SRD5A2: variants seen among roughly 807,000 people sequenced by gnomAD.
The protein encoded by SRD5A2 is steroid 5 alpha-reductase 2, also known as 3-oxo-5-alpha-steroid 4-dehydrogenase 2.
SRD5A2 carries 30 observed loss-of-function variants against 27.4 expected under a neutral mutation model. That is an observed-to-expected ratio of 1.10 (90% CI 0.82 to 1.49). SRD5A2 has a LOEUF of 1.49. Ranked by LOEUF, SRD5A2 falls within the 40% of genes most tolerant of loss-of-function variation. The probability of loss-of-function intolerance (pLI) is 0.00; values close to 1 mark genes in which losing one functional copy is unlikely to be tolerated. For synonymous variants in SRD5A2, 141 were observed against 133.6 expected, an observed-to-expected ratio of 1.06 and a Z score of -0.38; for missense variants, 348 against 323.4, an observed-to-expected ratio of 1.08 and a Z score of -0.58.
At chr2:31,566,163 A>G (rs777651131) in intron 1 of SRD5A2, among the ~76,000 whole-genome samples, 5 of 152,244 alleles carry the variant, frequency 3.3e-5, no homozygotes, top group Non-Finnish European at 4.4e-5. Context: ...GAAATAAATT[A>G]AAATGGTAAC....
At chr2:31,661,851 A>T in the SRD5A2 span, among the ~76,000 whole-genome samples, 28 of 151,660 alleles carry the variant, frequency 1.8e-4, no homozygotes, top group African/African-American at 6.8e-4. Context: ...TTTTTCAACC[A>T]TTTTTTTTCT....
chr2:31,565,562 A>G (rs1215075477), intron 1 of SRD5A2, among the ~76,000 whole-genome samples: 1 of 152,002 alleles, frequency 6.6e-6, no homozygotes, highest in Non-Finnish European at 1.5e-5. Context: ...GTAGTGGCTA[A>G]GTTAATATAA....
At chr2:31,610,700 T>C in the SRD5A2 span, among the ~76,000 whole-genome samples, 2 of 152,182 alleles carry the variant, frequency 1.3e-5, no homozygotes, top group South Asian at 4.1e-4. Context: ...TAAAATTATC[T>C]TTTTTTGCTG....
chr2:31,585,758 C>A (rs1667165770), upstream of SRD5A2, among the ~76,000 whole-genome samples: 2 of 152,100 alleles, frequency 1.3e-5, no homozygotes, highest in Admixed American at 6.5e-5. Context: ...CTCTTGGGGG[C>A]CCTTGATTCC....
In SRD5A2 at chr2:31,522,973, T is replaced by C. The variant is rs1443290372; in HGVS notation, c.*3223A>G. The C allele has an allele frequency of 4.5e-6, 1 of 221,264 alleles. No homozygotes were observed. The highest frequency in any genetic ancestry group is 2.2e-5 in the African/African-American group (1 of 44,570). 13.7% of individuals were successfully genotyped at this position (221,264 alleles called of 1,614,324 possible). A position where few individuals can be genotyped will look rare whatever the true frequency, so the allele number is the denominator to read the frequency against. ...AGAGAGCTATTATCAAACTTCAGGGTTGTAAAACCACGGATTTATTTATTT... is the reference window on the plus strand; with the variant it reads ...AGAGAGCTATTATCAAACTTCAGGGCTGTAAAACCACGGATTTATTTATTT... On this transcript the variant is annotated 3_prime_UTR_variant, in exon 5 of 5. Coordinates refer to ENST00000622030, the MANE Select transcript of SRD5A2 (RefSeq NM_000348.4).
chr2:31,552,191 A>G (rs1257840540), intron 1 of SRD5A2, among the ~76,000 whole-genome samples: 1 of 149,850 alleles, frequency 6.7e-6, no homozygotes, highest in Non-Finnish European at 1.5e-5. Context: ...TTGTGAGACT[A>G]CTTTTATGAG....
the SRD5A2 span, among the ~76,000 whole-genome samples, chr2:31,596,367 GAC>G: frequency 5.4e-5 from 7 of 129,250 alleles, no homozygotes; most frequent in Non-Finnish European, 1.1e-4. Context: ...CAGCCTGGGT[GAC>G]AGAGCAAGAC....
chr2:31,657,175 C>T, the SRD5A2 span, among the ~76,000 whole-genome samples: 1 of 152,112 alleles, frequency 6.6e-6, no homozygotes, highest in Non-Finnish European at 1.5e-5. Flanking sequence ...TAATAACAAC[C>T]TGTCAATATT....
At chr2:31,646,042 T>C in the SRD5A2 span, among the ~76,000 whole-genome samples, 1 of 152,148 alleles carries the variant, frequency 6.6e-6, no homozygotes, top group Admixed American at 6.5e-5. Context: ...ATCTTTCTTT[T>C]CTAGGAAAAT....
chr2:31,603,965 G>A, the SRD5A2 span, among the ~76,000 whole-genome samples: 15 of 151,822 alleles, frequency 9.9e-5, no homozygotes, highest in Admixed American at 3.3e-4. Flanking sequence ...CCTAGGTGAT[G>A]GGATGATCTG....
chr2:31,617,919 C>T, the SRD5A2 span, among the ~76,000 whole-genome samples: 1 of 152,202 alleles, frequency 6.6e-6, no homozygotes, highest in East Asian at 1.9e-4. Flanking sequence ...TTCAAAGTCA[C>T]TTCCATACTT....
chr2:31,657,681 G>A, the SRD5A2 span, among the ~76,000 whole-genome samples: 4 of 152,220 alleles, frequency 2.6e-5, no homozygotes, highest in African/African-American at 9.6e-5. Context: ...GAAAAAATTA[G>A]TGATAAATTC....
chr2:31,651,336 T>C, the SRD5A2 span: 2 of 182,808 alleles, frequency 1.1e-5, no homozygotes, highest in Admixed American at 5.8e-5. Context: ...AGACAATAAA[T>C]ACAATTTATT....
intron 1 of SRD5A2, among the ~76,000 whole-genome samples, chr2:31,561,210 G>A (rs1283162990): frequency 6.6e-6 from 1 of 151,996 alleles, no homozygotes; most frequent in Non-Finnish European, 1.5e-5. Context: ...GCCCTAACTG[G>A]GGAAACACAC....
the SRD5A2 span, among the ~76,000 whole-genome samples, chr2:31,607,420 A>G: frequency 3.0e-3 from 459 of 152,098 alleles, 2 homozygotes; most frequent in Non-Finnish European, 5.3e-3. Flanking sequence ...CATATTGTCT[A>G]CAGAAGCAGC....
At chr2:31,610,521 A>G in the SRD5A2 span, among the ~76,000 whole-genome samples, 1 of 152,166 alleles carries the variant, frequency 6.6e-6, no homozygotes. Context: ...TGACAAGCCC[A>G]CAGCTATCAT....
chr2:31,642,903 A>G, the SRD5A2 span, among the ~76,000 whole-genome samples: 1 of 152,138 alleles, frequency 6.6e-6, no homozygotes, highest in Non-Finnish European at 1.5e-5. Context: ...TCTCATAGAC[A>G]TTATGCTATG....
chr2:31,642,150 A>G, the SRD5A2 span, among the ~76,000 whole-genome samples: 1 of 152,096 alleles, frequency 6.6e-6, no homozygotes, highest in South Asian at 2.1e-4. Context: ...TTGAGAAAGG[A>G]AAGTCTTCAA....
chr2:31,598,591 G>T, the SRD5A2 span, among the ~76,000 whole-genome samples: 6 of 151,634 alleles, frequency 4.0e-5, no homozygotes, highest in Non-Finnish European at 7.4e-5. Flanking sequence ...AAATAATGTT[G>T]TTATCCGCTT....
Sources: allele counts gnomAD v4.1 joint callset (sites outside exome capture counted in the v4.1 genomes callset), GRCh38; gene constraint gnomAD v4.1.1; transcripts MANE v1.5; gene names NCBI Gene and HGNC (gene_info 2026-07-23, HGNC 2026-07-21).